GANC: variants seen among roughly 807,000 people sequenced by gnomAD.
GANC encodes the protein neutral alpha-glucosidase C.
A neutral mutation model predicts 124.2 loss-of-function variants in GANC; 117 were observed. That is an observed-to-expected ratio of 0.94 (90% CI 0.81 to 1.10). GANC has a LOEUF of 1.10. Among genes scored for constraint, GANC ranks in the 50% least tolerant of loss-of-function variants. The pLI is 0.00. For synonymous variants in GANC, 377 were observed against 376.8 expected (o/e 1.00, Z -0.01); for missense variants, 1,140 against 1,095.0 (o/e 1.04, Z -0.58).
chr15:42,276,175 G>A, intron 1 of GANC, 173 bp from the exon 2 acceptor site: 1 of 492,868 alleles, frequency 2.0e-6, no homozygotes, highest in Non-Finnish European at 3.7e-6. Context: ...AAAGGCTATT[G>A]TTCTGCAACA....
chr15:42,349,631 T>C (rs1227938162), intron 22 of GANC, 136 bp downstream of exon 22: 7 of 631,844 alleles, frequency 1.1e-5, no homozygotes, highest in South Asian at 6.0e-5. Flanking sequence ...TCCGGAATAT[T>C]TTTTTCTTTT....
At chr15:42,335,332 A>T (rs921293923) in intron 15 of GANC, among the ~76,000 whole-genome samples, 1 of 152,216 alleles carries the variant, frequency 6.6e-6, no homozygotes, top group Non-Finnish European at 1.5e-5. Flanking sequence ...AATAAATGTG[A>T]TTCATCACAT....
At chr15:42,306,667 A>G (rs917004899) in intron 7 of GANC, 55 bp downstream of exon 7, 11 of 1,249,952 alleles carry the variant, frequency 8.8e-6, no homozygotes, top group African/African-American at 4.5e-5. Context: ...ATGTCTACAT[A>G]ATTCTATCAA....
intron 3 of GANC, among the ~76,000 whole-genome samples, chr15:42,285,557 G>A (rs1199974499): frequency 6.6e-6 from 1 of 152,194 alleles, no homozygotes; most frequent in Non-Finnish European, 1.5e-5. Flanking sequence ...CACTCTGGGA[G>A]GCTGAGGCAG....
chr15:42,347,598 G>A (rs1393345906), intron 20 of GANC, among the ~76,000 whole-genome samples: 1 of 152,120 alleles, frequency 6.6e-6, no homozygotes, highest in African/African-American at 2.4e-5. Context: ...GAGCAAGAGG[G>A]GACAGGCTGC....
At chr15:42,328,899 T>C (rs2052218305) in intron 13 of GANC, among the ~76,000 whole-genome samples, 2 of 152,238 alleles carry the variant, frequency 1.3e-5, no homozygotes, top group Non-Finnish European at 2.9e-5. Context: ...AATCTTGTCA[T>C]GTTCAGCTAT....
At chr15:42,349,348 A>G in intron 21 of GANC, 35 bp from the exon 22 acceptor site, 1 of 1,260,604 alleles carries the variant, frequency 7.9e-7, no homozygotes, top group Non-Finnish European at 1.2e-6. Flanking sequence ...AAGCTATCAT[A>G]TAAGCACATT....
intron 4 of GANC, 42 bp from the exon 5 acceptor site, chr15:42,292,693 A>T: frequency 6.3e-7 from 1 of 1,584,568 alleles, no homozygotes; most frequent in Non-Finnish European, 8.6e-7. Context: ...GGCCATGTAA[A>T]CCTATAGCAG....
Position 42,319,937 on chromosome 15 carries a change from C to T in GANC, c.1058-1848C>T, listed in dbSNP as rs113139742. ...TGGTGGCTCATGACTGTAATCCCAG[C>T]ACTTTGGGGAGCCAAGATGGGCGAT... is the stretch of plus-strand genomic sequence containing the variant. On this transcript the variant is annotated intron_variant, in intron 10 of 23. Transcript: ENST00000318010. Among the ~76,000 whole-genome samples, 323 of 152,248 alleles carry T rather than the reference C, an allele frequency of 2.1e-3. 4 individuals are homozygous for T. The highest frequency in any genetic ancestry group is 7.6e-3 in the African/African-American group (315 of 41,532).
chr15:42,326,354 G>A lies in GANC; in HGVS notation c.1350G>A (p.Val450=). The change falls in exon 12 of 24, where the codon GTG becomes GTA. Residue 450 remains valine (V), a synonymous_variant. Transcript: ENST00000318010. ...TTGATCCTGACTACTCAGTATATGTGAAGGCCAAAGATCAGGGCTTCTTTG... is the reference window on the plus strand; with the variant it reads ...TTGATCCTGACTACTCAGTATATGTAAAGGCCAAAGATCAGGGCTTCTTTG... ...IKIDPDYSVY[V]KAKDQGFFVK... 1.9e-6 allele frequency: 3 copies of A among 1,614,108 alleles called. No individual in the cohort carries two copies. Among genetic ancestry groups the A allele is most frequent in the South Asian group, 2.2e-5 (2 of 91,084 alleles).
chr15:42,288,465 T>C (rs2051812540), intron 4 of GANC, among the ~76,000 whole-genome samples: 1 of 152,210 alleles, frequency 6.6e-6, no homozygotes, highest in African/African-American at 2.4e-5. Flanking sequence ...ATTGTCATAT[T>C]ATTTCACTAA....
intron 6 of GANC, among the ~76,000 whole-genome samples, chr15:42,299,618 A>G (rs2051926423): frequency 6.6e-6 from 1 of 152,340 alleles, no homozygotes; most frequent in Non-Finnish European, 1.5e-5. Flanking sequence ...TAAATTTCAT[A>G]TGGAATCAAA....
At chr15:42,276,083 A>G (rs898843728) in intron 1 of GANC, among the ~76,000 whole-genome samples, 42 of 152,186 alleles carry the variant, frequency 2.8e-4, no homozygotes, top group African/African-American at 8.2e-4. Context: ...ATATGTCCTC[A>G]TAAGTGACAG....
At chr15:42,303,699 G>T (rs2051968759) in intron 6 of GANC, among the ~76,000 whole-genome samples, 2 of 150,400 alleles carry the variant, frequency 1.3e-5, no homozygotes, top group Admixed American at 1.3e-4. Flanking sequence ...AGCAGGGGTT[G>T]AAATCTTAGT....
chr15:42,349,387 C>T lies in GANC; in HGVS notation c.2423C>T (p.Ser808Phe). The change falls in exon 22 of 24, where the codon TCT becomes TTT. Residue 808 changes from serine (S) to phenylalanine (F), a missense_variant. By Grantham distance (155) the Ser-to-Phe change is radical (BLOSUM62 -2). Coordinates refer to ENST00000318010, the MANE Select transcript of GANC (RefSeq NM_198141.3). Reference sequence around the variant, plus strand: ...TCTCTGTGATTCATTCTCCAGGGTTCTTCAGTGGGTGAGTTATATCTTGAT... The same window carrying T: ...TCTCTGTGATTCATTCTCCAGGGTTTTTCAGTGGGTGAGTTATATCTTGAT... ...GLRVALSTKG[S>F]SVGELYLDDG... The T allele has an allele frequency of 6.3e-7, 1 of 1,595,068 alleles. No individual in the cohort carries two copies. Among genetic ancestry groups the T allele is most frequent in the Non-Finnish European group, 8.6e-7 (1 of 1,162,862 alleles).
intron 10 of GANC, among the ~76,000 whole-genome samples, chr15:42,318,203 C>A (rs2052125987): frequency 6.6e-6 from 1 of 151,982 alleles, no homozygotes; most frequent in Non-Finnish European, 1.5e-5. Context: ...GTGTTGTATC[C>A]CTCCTTTCTT....
intron 6 of GANC, among the ~76,000 whole-genome samples, chr15:42,304,501 G>T (rs1334960812): frequency 6.6e-6 from 1 of 152,178 alleles, no homozygotes; most frequent in Non-Finnish European, 1.5e-5. Context: ...CATGCTCATG[G>T]ATAGTAAGAA....
At chr15:42,281,898 C>G (rs776707758) in intron 3 of GANC, among the ~76,000 whole-genome samples, 1 of 151,882 alleles carries the variant, frequency 6.6e-6, no homozygotes, top group Non-Finnish European at 1.5e-5. Context: ...TTTTAAATTC[C>G]TGTTTAGGCC....
chr15:42,325,498 T>A (rs2141059991), intron 11 of GANC, among the ~76,000 whole-genome samples: 1 of 152,304 alleles, frequency 6.6e-6, no homozygotes, highest in Middle Eastern at 3.4e-3. Flanking sequence ...TCAAATCTCC[T>A]TCCTAATATG....
Sources: gnomAD v4.1 joint callset for allele counts (sites outside exome capture counted in the v4.1 genomes callset) on GRCh38, gnomAD v4.1.1 for gene constraint, MANE v1.5 for transcripts, NCBI Gene and HGNC (gene_info 2026-07-23, HGNC 2026-07-21) for gene names.